Variants in B4GALT5 observed in about 807,000 individuals in gnomAD.
B4GALT5 encodes UDP-Gal:beta-GlcNAc beta-1,4-galactosyltransferase 5.
B4GALT5 carries 11 observed loss-of-function variants against 45.0 expected under a neutral mutation model. The ratio of observed to expected loss-of-function variants is 0.24; its 90% CI spans 0.15 to 0.40. The LOEUF (loss-of-function observed/expected upper bound fraction) is 0.40, where lower values mean the gene tolerates loss of function less well. Among genes scored for constraint, B4GALT5 ranks in the 10% least tolerant of loss-of-function variants. The probability of loss-of-function intolerance (pLI) is 1.00; values close to 1 mark genes in which losing one functional copy is unlikely to be tolerated. For missense variants in B4GALT5, 337 were observed against 500.2 expected (o/e 0.67, Z 3.11); for synonymous variants, 185 against 182.9 (o/e 1.01, Z -0.09).
At chr20:49,642,635 T>C in intron 4 of B4GALT5, 51 bp from the exon 5 acceptor site, 1 of 1,320,500 alleles carries the variant, frequency 7.6e-7, no homozygotes, top group South Asian at 1.2e-5. Flanking sequence ...CAGCTTTCAC[T>C]CCTTAGCAGG....
Position 49,636,183 on chromosome 20 carries a change from C to T in B4GALT5, c.*129G>A. 1.6e-6 allele frequency: 2 copies of T among 1,247,628 alleles called. No homozygotes were observed. The highest frequency in any genetic ancestry group is 2.2e-6 in the Non-Finnish European group (2 of 895,556). 77.3% of individuals were successfully genotyped at this position (1,247,628 alleles called of 1,614,324 possible). A position where few individuals can be genotyped will look rare whatever the true frequency, so the allele number is the denominator to read the frequency against. ...TGTGCTGTCACATTTTCCCCCTGAACTCTGTGATCCTTCATGAGACACAGT... is the reference window on the plus strand; with the variant it reads ...TGTGCTGTCACATTTTCCCCCTGAATTCTGTGATCCTTCATGAGACACAGT... On this transcript the variant is annotated 3_prime_UTR_variant, in exon 9 of 9. Coordinates refer to ENST00000371711, the MANE Select transcript of B4GALT5 (RefSeq NM_004776.4).
intron 1 of B4GALT5, 90 bp downstream of exon 1, chr20:49,713,486 C>G (rs1340639562): frequency 1.5e-6 from 2 of 1,367,934 alleles, no homozygotes; most frequent in South Asian, 1.2e-5. Context: ...GGGCCGCCTC[C>G]CGGCCGGGGC....
chr20:49,712,878 G>A (rs1194291902), intron 1 of B4GALT5, among the ~76,000 whole-genome samples: 1 of 150,166 alleles, frequency 6.7e-6, no homozygotes, highest in Admixed American at 6.6e-5. Flanking sequence ...GACGCTCAGG[G>A]GATTAGCAGG....
intron 1 of B4GALT5, among the ~76,000 whole-genome samples, chr20:49,697,369 C>CTGTACA (rs1320029653): frequency 6.6e-6 from 1 of 152,216 alleles, no homozygotes; most frequent in Non-Finnish European, 1.5e-5. Flanking sequence ...GGACTTCTGG[C>CTGTACA]TGTACATTCT....
In B4GALT5 at chr20:49,705,551, T is replaced by C. The variant is rs150963195; in HGVS notation, c.115+8025A>G. On this transcript the variant is annotated intron_variant, in intron 1 of 8. Transcript: ENST00000371711. Reference sequence around the variant, plus strand: ...CACCCCAAAGACTGAAACTATAAAGTCTGAAGATTACACACAAGCATGTCA... The same window carrying C: ...CACCCCAAAGACTGAAACTATAAAGCCTGAAGATTACACACAAGCATGTCA... Among the ~76,000 whole-genome samples the C allele has an allele frequency of 5.1e-3, 772 of 152,170 alleles. 2 individuals are homozygous for C. Among genetic ancestry groups the C allele is most frequent in the Admixed American group, 8.1e-3 (124 of 15,278 alleles).
intron 1 of B4GALT5, among the ~76,000 whole-genome samples, chr20:49,699,955 T>C (rs137856754): frequency 5.0e-4 from 76 of 152,302 alleles, no homozygotes; most frequent in African/African-American, 1.8e-3. Flanking sequence ...TATGTAAAAA[T>C]GCAGATTCAC....
intron 2 of B4GALT5, among the ~76,000 whole-genome samples, chr20:49,655,844 A>G (rs1373960147): frequency 6.6e-6 from 1 of 150,880 alleles, no homozygotes; most frequent in African/African-American, 2.4e-5. Flanking sequence ...CACGAGTATC[A>G]CTTGAACTGG....
Position 49,643,550 on chromosome 20 carries a change from A to C in B4GALT5, c.465T>G (p.Pro155=). 6.2e-7 allele frequency: 1 copy of C among 1,614,032 alleles called. No individual in the cohort carries two copies. Among genetic ancestry groups the C allele is most frequent in the Non-Finnish European group, 8.5e-7 (1 of 1,179,968 alleles). Residue 155 remains proline, a synonymous_variant, in exon 4 of 9, where the codon CCT becomes CCG. Coordinates refer to ENST00000371711, the MANE Select transcript of B4GALT5 (RefSeq NM_004776.4). ...CCTTCCACCGAGGCATGCAATCAGA[A>C]GGCTTCCAGTGACCTCCGAGCTTGA... ...PTIKLGGHWK[P]SDCMPRWKVA... is the part of the protein sequence containing the mutation.
At chr20:49,703,731 A>AAAAAAATAATAATT (rs749358266) in intron 1 of B4GALT5, among the ~76,000 whole-genome samples, 1 of 26,638 alleles carries the variant, frequency 3.8e-5, no homozygotes, top group Non-Finnish European at 9.6e-5. Context: ...TCTACTAAAA[A>AAAAAAATAATAATT]AAAAAAAAAT....
At chr20:49,692,881 T>C (rs143780506) in intron 1 of B4GALT5, among the ~76,000 whole-genome samples, 68 of 152,350 alleles carry the variant, frequency 4.5e-4, no homozygotes, top group African/African-American at 1.5e-3. Context: ...TACACAGTCA[T>C]GTGCCGCATA....
intron 1 of B4GALT5, among the ~76,000 whole-genome samples, chr20:49,693,963 A>G (rs1297124550): frequency 2.0e-5 from 3 of 152,214 alleles, no homozygotes; most frequent in African/African-American, 7.2e-5. Flanking sequence ...CACCTGGAAG[A>G]TAACTCAAAG....
At chr20:49,639,308 GAT>G (rs1395855069) in intron 7 of B4GALT5, among the ~76,000 whole-genome samples, 2 of 152,084 alleles carry the variant, frequency 1.3e-5, no homozygotes, top group Non-Finnish European at 2.9e-5. Context: ...AAGATATTAA[GAT>G]ATTTTTAAAT....
At chr20:49,637,772 TAA>T (rs200578529) in intron 7 of B4GALT5, among the ~76,000 whole-genome samples, 13 of 134,008 alleles carry the variant, frequency 9.7e-5, no homozygotes, top group African/African-American at 5.5e-5. Context: ...CATCTCTACT[TAA>T]AAAAAAAAAA....
At chr20:49,655,915 CA>C (rs1247995146) in intron 2 of B4GALT5, among the ~76,000 whole-genome samples, 1 of 113,966 alleles carries the variant, frequency 8.8e-6, no homozygotes, top group Non-Finnish European at 1.8e-5. Context: ...ATGACAGGAG[CA>C]AAACTCCGTC....
At chr20:49,639,470 C>A (rs1049354274) in intron 7 of B4GALT5, among the ~76,000 whole-genome samples, 2 of 152,028 alleles carry the variant, frequency 1.3e-5, no homozygotes, top group Non-Finnish European at 2.9e-5. Context: ...CTCAAGTGAT[C>A]CTCCCACCTC....
intron 7 of B4GALT5, among the ~76,000 whole-genome samples, chr20:49,638,229 A>G (rs803195): frequency 0.52 from 78,397 of 151,802 alleles, 20,593 homozygotes; most frequent in South Asian, 0.68. Flanking sequence ...TGTTGCCCAG[A>G]CTGGTCTTGA....
chr20:49,698,400 G>T (rs181690617), intron 1 of B4GALT5, among the ~76,000 whole-genome samples: 16 of 152,134 alleles, frequency 1.1e-4, no homozygotes, highest in Admixed American at 2.6e-4. Context: ...TGAACATAAA[G>T]CCAACCCAAA....
At chr20:49,707,369 CA>C (rs143137735) in intron 1 of B4GALT5, among the ~76,000 whole-genome samples, 17 of 144,966 alleles carry the variant, frequency 1.2e-4, no homozygotes, top group Non-Finnish European at 1.5e-4. Context: ...GGATTTGGAG[CA>C]AAAAAAAAAG....
intron 1 of B4GALT5, among the ~76,000 whole-genome samples, chr20:49,671,850 AT>A (rs11479120): frequency 0.79 from 119,871 of 151,830 alleles, 47,420 homozygotes; most frequent in Middle Eastern, 0.88. Context: ...TTTTCTTTTC[AT>A]TTTTTTTTAA....
Sources: gnomAD v4.1 joint callset for allele counts (sites outside exome capture counted in the v4.1 genomes callset) on GRCh38, gnomAD v4.1.1 for gene constraint, MANE v1.5 for transcripts, NCBI Gene and HGNC (gene_info 2026-07-23, HGNC 2026-07-21) for gene names.